Variants in FAF1 observed in about 807,000 individuals in gnomAD.
FAF1 encodes Fas associated factor 1, also known as FAS-associated factor 1.
A neutral mutation model predicts 92.5 loss-of-function variants in FAF1; 25 were observed. That is an observed-to-expected ratio of 0.27 (90% CI 0.20 to 0.38). FAF1 has a LOEUF of 0.38. FAF1 is among the 10% of genes least tolerant of loss of function. The pLI is 1.00. For synonymous variants in FAF1, 234 were observed against 273.2 expected (o/e 0.86, Z 1.42); for missense variants, 636 against 793.3 (o/e 0.80, Z 2.38).
At chr1:50,711,921 C>T (rs780882979) in intron 6 of FAF1, among the ~76,000 whole-genome samples, 4 of 152,144 alleles carry the variant, frequency 2.6e-5, no homozygotes, top group Admixed American at 6.6e-5. Flanking sequence ...ATGACTAACA[C>T]TTAACAAGCG....
At position 50,643,932 on chromosome 1, in the gene FAF1, TTTA is replaced by T. The variant is rs200366572; in HGVS notation, c.744+11507_744+11509del. The stretch of plus-strand genomic sequence containing the variant: ...TGATACTTTGTTCTCTTTTATATAT[TTTA>T]TTATTTCCTCTTATGTTTTCACTTA... On this transcript the variant is annotated intron_variant, in intron 8 of 18. Coordinates refer to ENST00000396153, the MANE Select transcript of FAF1 (RefSeq NM_007051.3). Among the ~76,000 whole-genome samples the T allele has an allele frequency of 1.0e-2, 1,519 of 152,260 alleles. 25 individuals carry two copies. The highest frequency in any genetic ancestry group is 0.035 in the African/African-American group (1,439 of 41,550).
At chr1:50,820,459 C>T (rs1160018864) in intron 2 of FAF1, among the ~76,000 whole-genome samples, 2 of 152,158 alleles carry the variant, frequency 1.3e-5, no homozygotes, top group Non-Finnish European at 2.9e-5. Context: ...TCCATAACTA[C>T]ACTTAGTTAC....
chr1:50,502,511 G>A (rs76455335), intron 15 of FAF1, among the ~76,000 whole-genome samples: 1 of 152,280 alleles, frequency 6.6e-6, no homozygotes, highest in African/African-American at 2.4e-5. Context: ...AGTGAATTAG[G>A]TAAAAGTACA....
At chr1:50,805,946 G>A (rs1377931479) in intron 2 of FAF1, among the ~76,000 whole-genome samples, 1 of 151,768 alleles carries the variant, frequency 6.6e-6, no homozygotes, top group African/African-American at 2.4e-5. Flanking sequence ...TACAGAGAAG[G>A]ACACCAAGAA....
intron 13 of FAF1, among the ~76,000 whole-genome samples, chr1:50,554,390 T>TATATATATATAGAGAGAGAGAG: frequency 1.5e-4 from 14 of 93,676 alleles, no homozygotes; most frequent in African/African-American, 6.2e-4. Flanking sequence ...TATATATATA[T>TATATATATATAGAGAGAGAGAG]AGAGAGAGAG....
intron 8 of FAF1, among the ~76,000 whole-genome samples, chr1:50,628,524 T>C (rs1021578350): frequency 3.9e-5 from 6 of 152,204 alleles, no homozygotes. Context: ...TCTTAAGTTT[T>C]ATGGATCAAT....
intron 13 of FAF1, among the ~76,000 whole-genome samples, chr1:50,554,382 T>TAGAGAGAG (rs541317145): frequency 1.0e-3 from 100 of 99,024 alleles, no homozygotes; most frequent in Non-Finnish European, 1.3e-3. Context: ...TATATATATA[T>TAGAGAGAG]ATATATATAG....
At chr1:50,442,665 A>G (rs1388738663) in intron 18 of FAF1, among the ~76,000 whole-genome samples, 2 of 151,694 alleles carry the variant, frequency 1.3e-5, no homozygotes, top group Non-Finnish European at 2.9e-5. Flanking sequence ...CTTCTGCTTA[A>G]CTCAAGCTGC....
chr1:50,577,051 T>C (rs375162086), intron 12 of FAF1, among the ~76,000 whole-genome samples: 288 of 152,300 alleles, frequency 1.9e-3, no homozygotes, highest in Middle Eastern at 3.4e-3. Context: ...ATCAGCATCA[T>C]GCCTAGCAAT....
intron 8 of FAF1, among the ~76,000 whole-genome samples, chr1:50,619,204 T>G (rs1653076195): frequency 6.6e-6 from 1 of 152,240 alleles, no homozygotes; most frequent in African/African-American, 2.4e-5. Flanking sequence ...TCATTCTGTG[T>G]CTTTTAAGTG....
intron 1 of FAF1, among the ~76,000 whole-genome samples, chr1:50,937,957 A>C (rs1338118328): frequency 6.6e-6 from 1 of 152,234 alleles, no homozygotes; most frequent in Non-Finnish European, 1.5e-5. Context: ...ATGTGAGGTC[A>C]TTTAAATATC....
At chr1:50,855,878 T>C (rs561931242) in intron 2 of FAF1, among the ~76,000 whole-genome samples, 7 of 151,832 alleles carry the variant, frequency 4.6e-5, no homozygotes, top group East Asian at 3.9e-4. Flanking sequence ...CAGTGTATGA[T>C]TGCATTTCTG....
At chr1:50,533,400 A>T (rs1033973106) in intron 15 of FAF1, among the ~76,000 whole-genome samples, 1 of 151,444 alleles carries the variant, frequency 6.6e-6, no homozygotes, top group East Asian at 1.9e-4. Flanking sequence ...TTGTAACCAA[A>T]TTTTTTTTTC....
At chr1:50,622,074 G>T (rs1454379566) in intron 8 of FAF1, among the ~76,000 whole-genome samples, 1 of 150,264 alleles carries the variant, frequency 6.7e-6, no homozygotes, top group Non-Finnish European at 1.5e-5. Flanking sequence ...GCTGAGGCAG[G>T]AAATCACTTG....
chr1:50,727,460 A>G (rs1207769595), intron 6 of FAF1, among the ~76,000 whole-genome samples: 2 of 152,226 alleles, frequency 1.3e-5, no homozygotes, highest in African/African-American at 4.8e-5. Context: ...TCACTTTACA[A>G]TATTCGTTCC....
At chr1:50,922,331 C>CACCTGTA (rs1644970126) in intron 1 of FAF1, among the ~76,000 whole-genome samples, 1 of 151,372 alleles carries the variant, frequency 6.6e-6, no homozygotes, top group African/African-American at 2.4e-5. Flanking sequence ...TGGTGGCAGG[C>CACCTGTA]ACCTGTAATC....
At chr1:50,749,322 C>T (rs143566728) in intron 4 of FAF1, among the ~76,000 whole-genome samples, 11 of 152,228 alleles carry the variant, frequency 7.2e-5, no homozygotes, top group Non-Finnish European at 5.9e-5. Flanking sequence ...GCCCTCATGA[C>T]TTAAAAGAAG....
intron 8 of FAF1, chr1:50,612,250 G>T (rs927358192): frequency 2.0e-6 from 1 of 507,938 alleles, no homozygotes; most frequent in Non-Finnish European, 3.0e-6. Flanking sequence ...ATCAAAACAA[G>T]CCCTTTGCCT....
chr1:50,649,031 C>T (rs1654727778), intron 8 of FAF1, among the ~76,000 whole-genome samples: 1 of 152,260 alleles, frequency 6.6e-6, no homozygotes, highest in East Asian at 1.9e-4. Context: ...ATCCGTCTGC[C>T]TTGGCCTCCC....
Sources: gnomAD v4.1 joint callset for allele counts (sites outside exome capture counted in the v4.1 genomes callset) on GRCh38, gnomAD v4.1.1 for gene constraint, MANE v1.5 for transcripts, NCBI Gene and HGNC (gene_info 2026-07-23, HGNC 2026-07-21) for gene names.